The following EXT2 variants were observed in gnomAD, a reference collection of about 807,000 sequenced individuals.
EXT2 encodes exostosin-2.
In EXT2, 53 loss-of-function variants were observed where a neutral mutation model predicts 81.6. The observed-to-expected ratio is 0.65, with a 90% CI of 0.52 to 0.82. The LOEUF is 0.82. Among genes scored for constraint, EXT2 ranks in the 40% least tolerant of loss-of-function variants. The pLI, the probability that EXT2 is intolerant of heterozygous loss-of-function variation, is 0.00. For synonymous variants in EXT2, 320 were observed against 340.0 expected, an observed-to-expected ratio of 0.94 and a Z score of 0.65; for missense variants, 774 against 910.2, an observed-to-expected ratio of 0.85 and a Z score of 1.93.
At position 44,130,067 on chromosome 11, in the gene EXT2, G is replaced by A. The variant is rs1590575116; in HGVS notation, c.1102G>A (p.Glu368Lys). ...CAGAGCATCTGTGGTTGTACCAGAA[G>A]AAAAGATGTCAGATGTGTACAGTAT... ...WKRASVVVPE[E>K]KMSDVYSILQ... The change falls in exon 7 of 14, where the codon GAA becomes AAA. Residue 368 changes from glutamate (E) to lysine (K), a missense_variant. Glu to Lys is a moderately conservative substitution (Grantham distance 56). Coordinates refer to ENST00000533608, the MANE Select transcript of EXT2 (RefSeq NM_207122.2). The A allele has an allele frequency of 6.2e-7, 1 of 1,614,166 alleles. No homozygotes were observed. The highest frequency in any genetic ancestry group is 8.5e-7 in the Non-Finnish European group (1 of 1,180,008).
At chr11:44,143,901 T>C (rs1388357457) in intron 7 of EXT2, among the ~76,000 whole-genome samples, 1 of 152,024 alleles carries the variant, frequency 6.6e-6, no homozygotes, top group East Asian at 1.9e-4. Flanking sequence ...GGAAAGAAAA[T>C]AGAGTAGAGA....
intron 10 of EXT2, among the ~76,000 whole-genome samples, chr11:44,231,608 A>G (rs1955899609): frequency 6.6e-6 from 1 of 152,220 alleles, no homozygotes; most frequent in South Asian, 2.1e-4. Flanking sequence ...ATGGTTGAGG[A>G]ACTAGCAACA....
intron 7 of EXT2, among the ~76,000 whole-genome samples, chr11:44,152,478 G>A (rs1254006419): frequency 6.6e-6 from 1 of 152,062 alleles, no homozygotes; most frequent in African/African-American, 2.4e-5. Flanking sequence ...AGCTTCCCAA[G>A]TAGCTGGGAC....
Position 44,136,519 on chromosome 11 carries a change from C to G in EXT2, c.1173+6381C>G, listed in dbSNP as rs191885308. On this transcript the variant is annotated intron_variant, in intron 7 of 13. Coordinates refer to ENST00000533608, the MANE Select transcript of EXT2 (RefSeq NM_207122.2). ...AGCTAAGTGCTTATTGAATAGTCTT[C>G]CTTGAAAAAGTGGTTGCTTGAGACA... 1.5e-4 allele frequency among the ~76,000 whole-genome samples: 23 copies of G among 152,218 alleles called. No homozygotes were observed. The East Asian group carries it at 4.1e-3, about 27-fold the overall frequency.
At chr11:44,188,728 A>G (rs1955350853) in intron 8 of EXT2, among the ~76,000 whole-genome samples, 1 of 152,224 alleles carries the variant, frequency 6.6e-6, no homozygotes, top group South Asian at 2.1e-4. Context: ...TATTAGAGTC[A>G]ATGAAATTGT....
chr11:44,142,232 T>G (rs1954655790), intron 7 of EXT2, among the ~76,000 whole-genome samples: 1 of 152,188 alleles, frequency 6.6e-6, no homozygotes, highest in Non-Finnish European at 1.5e-5. Context: ...GAATTTGGAG[T>G]TGCCTAATTA....
chr11:44,222,132 G>T (rs575329262), intron 10 of EXT2, among the ~76,000 whole-genome samples: 2 of 152,294 alleles, frequency 1.3e-5, no homozygotes, highest in South Asian at 2.1e-4. Context: ...TAGATCAAGA[G>T]TTGGCAACCA....
chr11:44,156,862 T>C lies in EXT2; in HGVS notation c.1174-14749T>C, dbSNP rs1954862144. On this transcript the variant is annotated intron_variant, in intron 7 of 13. Transcript: ENST00000533608. The stretch of plus-strand genomic sequence containing the variant: ...CTGGGCTTGTTTGTACCCATCCTTC[T>C]TAGGAAGGCTTTCTACGTATTCAAA... Among the ~76,000 whole-genome samples the C allele has an allele frequency of 3.9e-5, 6 of 152,330 alleles. 1 individual carries two copies. In the South Asian group the frequency reaches 1.2e-3, roughly 32 times the overall value.
Position 44,130,074 on chromosome 11 carries a change from T to C in EXT2, c.1109T>C (p.Met370Thr), listed in dbSNP as rs199711832. The C allele has an allele frequency of 1.4e-5, 22 of 1,614,064 alleles. No homozygotes were observed. The highest frequency in any genetic ancestry group is 3.4e-6 in the Non-Finnish European group (4 of 1,180,024). ...TCTGTGGTTGTACCAGAAGAAAAGA[T>C]GTCAGATGTGTACAGTATTTTGCAG... ...RASVVVPEEK[M>T]SDVYSILQSI... Residue 370 changes from methionine to threonine, a missense_variant, in exon 7 of 14, where the codon ATG (methionine) becomes ACG (threonine). Met to Thr is a moderately conservative substitution (Grantham distance 81, BLOSUM62 -1). Around this residue, in one of 2 missense-constraint regions of EXT2, gnomAD observed 626 missense variants for 670.5 expected, o/e 0.93. Transcript: ENST00000533608.
intron 8 of EXT2, among the ~76,000 whole-genome samples, chr11:44,195,954 C>T (rs1279427640): frequency 6.6e-6 from 1 of 151,884 alleles, no homozygotes; most frequent in Non-Finnish European, 1.5e-5. Flanking sequence ...ATACCAAAAC[C>T]ATTATATGCT....
intron 4 of EXT2, among the ~76,000 whole-genome samples, chr11:44,119,986 G>C (rs554222699): frequency 6.6e-6 from 1 of 152,198 alleles, no homozygotes; most frequent in Non-Finnish European, 1.5e-5. Context: ...ATATAATCTA[G>C]CTCTCTTATA....
chr11:44,157,152 C>T (rs1444188630), intron 7 of EXT2, among the ~76,000 whole-genome samples: 2 of 152,194 alleles, frequency 1.3e-5, no homozygotes, highest in South Asian at 2.1e-4. Context: ...CTGTGGTCAC[C>T]GCTGCTTGGA....
chr11:44,135,831 C>T (rs1460831711), intron 7 of EXT2, among the ~76,000 whole-genome samples: 6 of 152,150 alleles, frequency 3.9e-5, no homozygotes, highest in South Asian at 2.1e-4. Context: ...CTTTATTTTT[C>T]GTATTTGGAA....
At chr11:44,183,161 A>G (rs117124922) in intron 8 of EXT2, among the ~76,000 whole-genome samples, 1,705 of 152,302 alleles carry the variant, frequency 0.011, 12 homozygotes, top group Middle Eastern at 0.031. Context: ...AATTTGTCCT[A>G]TTACTGGTGA....
At chr11:44,107,239 A>G (rs914051620) in intron 1 of EXT2, among the ~76,000 whole-genome samples, 1 of 152,108 alleles carries the variant, frequency 6.6e-6, no homozygotes, top group African/African-American at 2.4e-5. Flanking sequence ...AATGTTTATA[A>G]GAAGTGTCCA....
chr11:44,100,143 A>G (rs1953961070), intron 1 of EXT2, among the ~76,000 whole-genome samples: 1 of 152,198 alleles, frequency 6.6e-6, no homozygotes. Context: ...CAGTCTGGTA[A>G]GCAGCTCAAG....
At chr11:44,200,895 C>A (rs1242927338) in intron 9 of EXT2, among the ~76,000 whole-genome samples, 1 of 152,152 alleles carries the variant, frequency 6.6e-6, no homozygotes, top group Non-Finnish European at 1.5e-5. Context: ...CTCTTGGCAT[C>A]CAACATGGAG....
Position 44,197,841 on chromosome 11 carries a change from G to C in EXT2, c.1318G>C (p.Val440Leu). Residue 440 changes from valine (V) to leucine (L), a missense_variant, in exon 9 of 14, where the codon GTG becomes CTG. Physicochemically the swap from Val to Leu is conservative, Grantham distance 32. This residue lies in a region of EXT2 where 626 missense variants were observed against 670.5 expected (regional missense o/e 0.93). Coordinates refer to ENST00000533608, the MANE Select transcript of EXT2 (RefSeq NM_207122.2). ...NDPPAVKWGS[V>L]SNPLFLPLIP... ...TGTCCTCTTGTAGAAGTGGGGCAGC[G>C]TGAGCAATCCACTCTTCCTCCCGCT... 6.2e-7 allele frequency: 1 copy of C among 1,613,960 alleles called. No individual in the cohort carries two copies. The highest frequency in any genetic ancestry group is 8.5e-7 in the Non-Finnish European group (1 of 1,179,932).
intron 8 of EXT2, among the ~76,000 whole-genome samples, chr11:44,183,351 GT>G (rs1181693731): frequency 6.6e-6 from 1 of 152,162 alleles, no homozygotes; most frequent in Non-Finnish European, 1.5e-5. Flanking sequence ...TGAATCAGTT[GT>G]TATAGTGGTT....
Sources: allele counts gnomAD v4.1 joint callset (sites outside exome capture counted in the v4.1 genomes callset), GRCh38; gene constraint gnomAD v4.1.1; regional missense constraint gnomAD v4.1.1; transcripts MANE v1.5; gene names NCBI Gene and HGNC (gene_info 2026-07-23, HGNC 2026-07-21).